Variants in IQCH observed in about 807,000 individuals in gnomAD.
The protein encoded by IQCH is IQ domain-containing protein H.
In IQCH, 98 loss-of-function variants were observed where a neutral mutation model predicts 117.0. The observed-to-expected ratio is 0.84, with a 90% CI of 0.71 to 0.99. The LOEUF (loss-of-function observed/expected upper bound fraction) is 0.99, where lower values mean the gene tolerates loss of function less well. Ranked by LOEUF, IQCH falls within the 50% of genes least tolerant of loss-of-function variation. The probability of loss-of-function intolerance (pLI) is 0.00; values close to 1 mark genes in which losing one functional copy is unlikely to be tolerated. For missense variants in IQCH, 1,102 were observed against 1,243.8 expected (o/e 0.89, Z 1.72); for synonymous variants, 412 against 448.2 (o/e 0.92, Z 1.02).
intron 18 of IQCH, among the ~76,000 whole-genome samples, chr15:67,488,554 A>G (rs756259527): frequency 6.6e-6 from 1 of 152,220 alleles, no homozygotes; most frequent in Non-Finnish European, 1.5e-5. Flanking sequence ...AATATCTCCC[A>G]TAGAATCAAT....
At position 67,369,292 on chromosome 15, in the gene IQCH, G is replaced by A. The variant is rs1970439297; in HGVS notation, c.754-2819G>A. ...TGCTAATAATTAGGCCACAGGTTTGGGCTTCATGTGGGCCAATTAGTGAAT... is the reference window on the plus strand; with the variant it reads ...TGCTAATAATTAGGCCACAGGTTTGAGCTTCATGTGGGCCAATTAGTGAAT... On this transcript the variant is annotated intron_variant, in intron 8 of 20. Transcript: ENST00000335894. The surrounding 1 kb of genome is among the most constrained non-coding windows in gnomAD (Gnocchi z 5.2). Among the ~76,000 whole-genome samples, 4 of 152,062 alleles carry A rather than the reference G, an allele frequency of 2.6e-5. No individual in the cohort carries two copies. The highest frequency in any genetic ancestry group is 9.7e-5 in the African/African-American group (4 of 41,406).
chr15:67,281,999 C>T (rs1966380020), intron 4 of IQCH: 1 of 321,102 alleles, frequency 3.1e-6, no homozygotes, highest in African/African-American at 2.2e-5. Context: ...ACTGTGTGCC[C>T]AGGATTATTA....
rs756324163 is a variant in IQCH at position 67,421,412 on chromosome 15, C to A, written c.2340C>A (p.Ser780Arg). ...LSTGDQLHAE[S>R]PFISSGTTVP... Reference sequence around the variant, plus strand: ...CAGGGGACCAGCTTCATGCTGAAAGCCCCTTCATCTCCTCTGGTACCACCG... The same window carrying A: ...CAGGGGACCAGCTTCATGCTGAAAGACCCTTCATCTCCTCTGGTACCACCG... The change falls in exon 16 of 21, where the codon AGC (serine) becomes AGA (arginine). Residue 780 changes from serine to arginine, a missense_variant. Ser to Arg is a moderately radical substitution (Grantham distance 110). Transcript: ENST00000335894. 6.8e-6 allele frequency: 11 copies of A among 1,614,180 alleles called. No homozygotes were observed. The South Asian group carries it at 1.1e-4, about 16-fold the overall frequency.
At chr15:67,371,427 G>C in intron 8 of IQCH, 1 of 1,409,166 alleles carries the variant, frequency 7.1e-7, no homozygotes. Context: ...TTTGTTATCA[G>C]ATTTGTGATC....
chr15:67,329,767 C>A (rs972889498), intron 4 of IQCH, among the ~76,000 whole-genome samples: 1 of 151,576 alleles, frequency 6.6e-6, no homozygotes, highest in Non-Finnish European at 1.5e-5. Context: ...CTGCACCTAG[C>A]CAAATTCTGG....
chr15:67,423,805 G>A (rs2081813685), intron 16 of IQCH, among the ~76,000 whole-genome samples: 1 of 148,522 alleles, frequency 6.7e-6, no homozygotes, highest in South Asian at 2.1e-4. Flanking sequence ...AGTGAACCGA[G>A]ATGATGCCAC....
At chr15:67,334,095 C>A (rs1968787009) in intron 4 of IQCH, among the ~76,000 whole-genome samples, 1 of 151,980 alleles carries the variant, frequency 6.6e-6, no homozygotes, top group South Asian at 2.1e-4. Flanking sequence ...GATTTAGCAT[C>A]AAGTGATAAA....
rs1360511828 is a variant in IQCH at position 67,411,302 on chromosome 15, G to A, written c.2098-5629G>A. ...TACCCAGGAGTCAGAGGCAGCCAGA[G>A]AGCACCTGCGGCCTCCCAGTGTGAC... On this transcript the variant is annotated intron_variant, in intron 14 of 20. Coordinates refer to ENST00000335894, the MANE Select transcript of IQCH (RefSeq NM_001031715.3). This position sits in a 1 kb window ranked among gnomAD's most constrained non-coding sequence, Gnocchi z 4.4. Among the ~76,000 whole-genome samples the A allele has an allele frequency of 6.6e-6, 1 of 152,184 alleles. No individual in the cohort carries two copies. The highest frequency in any genetic ancestry group is 6.5e-5 in the Admixed American group (1 of 15,278).
rs1371390291 is a variant in IQCH, at chr15:67,395,965, C to T, written c.1905+402C>T. Among the ~76,000 whole-genome samples, 3 of 152,194 alleles carry T rather than the reference C, an allele frequency of 2.0e-5. No homozygotes were observed. The highest frequency in any genetic ancestry group is 2.9e-5 in the Non-Finnish European group (2 of 68,006). On this transcript the variant is annotated intron_variant, in intron 13 of 20. Coordinates refer to ENST00000335894, the MANE Select transcript of IQCH (RefSeq NM_001031715.3). This position sits in a 1 kb window ranked among gnomAD's most constrained non-coding sequence, Gnocchi z 4.0. ...GATTACCAGCGTGAGCCACTACGCC[C>T]AGCCTGAGGGAATCTACTTTAGAAC...
chr15:67,458,988 A>G lies in IQCH; in HGVS notation c.2506-6139A>G, dbSNP rs1317822555. Among the ~76,000 whole-genome samples the G allele has an allele frequency of 2.6e-5, 4 of 152,188 alleles. No individual in the cohort carries two copies. The highest frequency in any genetic ancestry group is 7.2e-5 in the African/African-American group (3 of 41,436). On this transcript the variant is annotated intron_variant, in intron 16 of 20. Coordinates refer to ENST00000335894, the MANE Select transcript of IQCH (RefSeq NM_001031715.3). This position sits in a 1 kb window ranked among gnomAD's most constrained non-coding sequence, Gnocchi z 4.1. The stretch of plus-strand genomic sequence containing the variant: ...TTCGGCAATATGATAAATATACACA[A>G]TTCCCTGTTAGCCTCATAGATACAT...
At position 67,370,351 on chromosome 15, in the gene IQCH, A is replaced by G. The variant is rs761262908; in HGVS notation, c.754-1760A>G. On this transcript the variant is annotated intron_variant, in intron 8 of 20. Transcript: ENST00000335894. The surrounding 1 kb of genome is among the most constrained non-coding windows in gnomAD (Gnocchi z 5.6). The stretch of plus-strand genomic sequence containing the variant: ...GTTGACTGAATCACACGTGACTGGC[A>G]GGACCAGCCAGCTCCATACATGTCC... Among the ~76,000 whole-genome samples, 5 of 152,238 alleles carry G rather than the reference A, an allele frequency of 3.3e-5. No individual in the cohort carries two copies. The highest frequency in any genetic ancestry group is 5.9e-5 in the Non-Finnish European group (4 of 68,042).
At position 67,387,936 on chromosome 15, in the gene IQCH, T is replaced by TA. The variant is rs1380829415; in HGVS notation, c.1457-895_1457-894insA. On this transcript the variant is annotated intron_variant, in intron 11 of 20. Coordinates refer to ENST00000335894, the MANE Select transcript of IQCH (RefSeq NM_001031715.3). The surrounding 1 kb of genome is among the most constrained non-coding windows in gnomAD (Gnocchi z 4.8). Reference sequence around the variant, plus strand: ...TTTACAGTGCTCCCTCCTCTGAACTTCTCTAAGTACCTGGTCTGCATGCTT... The same window carrying TA: ...TTTACAGTGCTCCCTCCTCTGAACTTACTCTAAGTACCTGGTCTGCATGCTT... Among the ~76,000 whole-genome samples, 1 of 152,216 alleles carries TA rather than the reference T, an allele frequency of 6.6e-6. No individual in the cohort carries two copies. Among genetic ancestry groups the TA allele is most frequent in the Non-Finnish European group, 1.5e-5 (1 of 68,034 alleles).
At chr15:67,373,466 A>G (rs199793915) in intron 10 of IQCH, 33 bp downstream of exon 10, 1 of 1,330,436 alleles carries the variant, frequency 7.5e-7, no homozygotes, top group Non-Finnish European at 1.1e-6. Context: ...TCTATCAGCA[A>G]CCTCTATTAC....
intron 3 of IQCH, among the ~76,000 whole-genome samples, chr15:67,264,815 A>G (rs1446946812): frequency 1.3e-5 from 2 of 151,368 alleles, no homozygotes; most frequent in Non-Finnish European, 2.9e-5. Context: ...TATCTTCATG[A>G]TCCAGCTATG....
Position 67,475,920 on chromosome 15 carries a change from A to G in IQCH, c.2799+102A>G. 9.6e-7 allele frequency: 1 copy of G among 1,040,386 alleles called. No individual in the cohort carries two copies. Among genetic ancestry groups the G allele is most frequent in the Non-Finnish European group, 1.4e-6 (1 of 697,480 alleles). The allele number at this position is 1,040,386 out of a possible 1,614,324, so 64.4% of individuals were successfully genotyped here. On this transcript the variant is annotated intron_variant, in intron 18 of 20. Transcript: ENST00000335894. This position sits in a 1 kb window ranked among gnomAD's most constrained non-coding sequence, Gnocchi z 5.7. ...CCCTTCAGATAGATATTCTTTAAAT[A>G]CCGGTTTGACGTGTCTGTAGAGGAA...
At chr15:67,348,366 C>CAA (rs956758451) in intron 6 of IQCH, among the ~76,000 whole-genome samples, 6 of 151,742 alleles carry the variant, frequency 4.0e-5, no homozygotes, top group African/African-American at 1.5e-4. Context: ...CACACACACA[C>CAA]ACACACACAC....
At chr15:67,448,201 A>G (rs1328458229) in intron 16 of IQCH, among the ~76,000 whole-genome samples, 1 of 151,912 alleles carries the variant, frequency 6.6e-6, no homozygotes, top group Non-Finnish European at 1.5e-5. Flanking sequence ...GTGAGATACC[A>G]TATACCATAA....
intron 3 of IQCH, among the ~76,000 whole-genome samples, chr15:67,276,690 T>C (rs1327602877): frequency 6.6e-6 from 1 of 152,194 alleles, no homozygotes; most frequent in Non-Finnish European, 1.5e-5. Context: ...AAAAGTTCAA[T>C]ATAATTATTA....
rs906724756 is a variant in IQCH, at chr15:67,422,005, A to C, written c.2505+428A>C. Among the ~76,000 whole-genome samples, 1 of 152,114 alleles carries C rather than the reference A, an allele frequency of 6.6e-6. No homozygotes were observed. Among genetic ancestry groups the C allele is most frequent in the African/African-American group, 2.4e-5 (1 of 41,428 alleles). On this transcript the variant is annotated intron_variant, in intron 16 of 20. Coordinates refer to ENST00000335894, the MANE Select transcript of IQCH (RefSeq NM_001031715.3). This position sits in a 1 kb window ranked among gnomAD's most constrained non-coding sequence, Gnocchi z 4.7. The stretch of plus-strand genomic sequence containing the variant: ...TTCCAGCTACTTGGGAGGCTGAGGC[A>C]GGAGAATCACTTGAACCCGGGAGGC...
Sources: gnomAD v4.1 joint callset for allele counts (sites outside exome capture counted in the v4.1 genomes callset) on GRCh38, gnomAD v4.1.1 for gene constraint, Gnocchi (gnomAD v3.1) non-coding constraint, MANE v1.5 for transcripts, NCBI Gene and HGNC (gene_info 2026-07-23, HGNC 2026-07-21) for gene names.